ZDHHC11B: variants seen among roughly 807,000 people sequenced by gnomAD.
The protein encoded by ZDHHC11B is zDHHC palmitoyltransferase 11B (putative).
Under a neutral mutation model 42.3 loss-of-function variants are expected in ZDHHC11B, and 17 were observed. That is an observed-to-expected ratio of 0.40 (90% CI 0.27 to 0.60). ZDHHC11B has a LOEUF of 0.60. Among genes scored for constraint, ZDHHC11B ranks in the 20% least tolerant of loss-of-function variants. ZDHHC11B has a pLI of 0.41. For synonymous variants in ZDHHC11B, 123 were observed against 193.5 expected (o/e 0.64, Z 3.02); for missense variants, 262 against 463.2 (o/e 0.57, Z 3.99).
At chr5:744,068 T>C (rs774584910) in intron 9 of ZDHHC11B, among the ~76,000 whole-genome samples, 1 of 149,942 alleles carries the variant, frequency 6.7e-6, no homozygotes. Context: ...AACCCTTTTC[T>C]GCATTGATTG....
At chr5:764,792 G>A (rs1352921403) in intron 4 of ZDHHC11B, among the ~76,000 whole-genome samples, 14 of 152,084 alleles carry the variant, frequency 9.2e-5, no homozygotes, top group South Asian at 2.1e-4. Flanking sequence ...CCCGGTGTGG[G>A]AGCCACTAGG....
chr5:746,055 G>A (rs1186425530), intron 8 of ZDHHC11B, among the ~76,000 whole-genome samples: 1 of 149,716 alleles, frequency 6.7e-6, no homozygotes, highest in Non-Finnish European at 1.5e-5. Flanking sequence ...GCAGCCCAGG[G>A]AAGCAAAGCA....
rs191754668 is a variant in ZDHHC11B, at chr5:732,399, C to T, written c.1023+1353G>A. 3.0e-5 allele frequency: 9 copies of T among 301,310 alleles called. No homozygotes were observed. The East Asian group carries it at 8.3e-4, about 28-fold the overall frequency. 18.7% of individuals were successfully genotyped at this position (301,310 alleles called of 1,614,324 possible). On this transcript the variant is annotated intron_variant, in intron 11 of 13. Coordinates refer to ENST00000508859, the MANE Select transcript of ZDHHC11B (RefSeq NM_001351303.2). Reference sequence around the variant, plus strand: ...ACAAATGCACCTGTGCAGAAGGTGTCAACGTGGACAATCGCAGGCAGAGAA... The same window carrying T: ...ACAAATGCACCTGTGCAGAAGGTGTTAACGTGGACAATCGCAGGCAGAGAA...
At chr5:783,118 GCGCCTT>G (rs1411990156) in intron 1 of ZDHHC11B, among the ~76,000 whole-genome samples, 128 of 152,134 alleles carry the variant, frequency 8.4e-4, no homozygotes, top group Middle Eastern at 6.8e-3. Context: ...GTTCATGCCG[GCGCCTT>G]TCTGAATCAG....
At chr5:733,288 C>G (rs1391030549) in intron 11 of ZDHHC11B, among the ~76,000 whole-genome samples, 2 of 151,664 alleles carry the variant, frequency 1.3e-5, no homozygotes, top group Non-Finnish European at 2.9e-5. Context: ...ACACACCATA[C>G]ACTTGTACGT....
rs1431316611 is a variant in ZDHHC11B at position 757,946 on chromosome 5, G to A, written c.223-1802C>T. Among the ~76,000 whole-genome samples, 2 of 151,812 alleles carry A rather than the reference G, an allele frequency of 1.3e-5. 1 individual carries two copies. Among genetic ancestry groups the A allele is most frequent in the Non-Finnish European group, 2.9e-5 (2 of 67,900 alleles). ...TCTAATCCCACCATGGTAGAGGAGA[G>A]GTCTGCAGGGGCCCCACCGGACTTG... On this transcript the variant is annotated intron_variant, in intron 4 of 13. Coordinates refer to ENST00000508859, the MANE Select transcript of ZDHHC11B (RefSeq NM_001351303.2).
intron 3 of ZDHHC11B, 76 bp downstream of exon 3, chr5:767,316 G>T: frequency 6.7e-7 from 1 of 1,500,162 alleles, no homozygotes. Context: ...CCACACACAT[G>T]TGGGGCTCCG....
At chr5:713,448 G>C (rs1741517438) in intron 13 of ZDHHC11B, among the ~76,000 whole-genome samples, 2 of 152,014 alleles carry the variant, frequency 1.3e-5, no homozygotes, top group Non-Finnish European at 2.9e-5. Flanking sequence ...ATTTATGTCT[G>C]TTTCTACTAT....
rs1030210137 is a variant in ZDHHC11B at position 777,803 on chromosome 5, C to T, written c.-230+6865G>A. ...GAGCCCCGCAGCAGGCGGAGCTGCC[C>T]GCCAGTACTGCGCCACGCGCCCGCA... On this transcript the variant is annotated intron_variant, in intron 1 of 13. Transcript: ENST00000508859. Among the ~76,000 whole-genome samples the T allele has an allele frequency of 9.2e-5, 14 of 152,124 alleles. No homozygotes were observed. The East Asian group carries it at 9.6e-4, about 10-fold the overall frequency.
rs1172424206 is a variant in ZDHHC11B at position 766,423 on chromosome 5, G to A, written c.222+275C>T. On this transcript the variant is annotated intron_variant, in intron 4 of 13. Transcript: ENST00000508859. The stretch of plus-strand genomic sequence containing the variant: ...ACCTGACCCTGAGCCATGTGGGAGC[G>A]GTCTGACATAGGGTCAGTGGCTGCT... Among the ~76,000 whole-genome samples the A allele has an allele frequency of 3.3e-5, 5 of 151,884 alleles. No individual in the cohort carries two copies. In the East Asian group the frequency reaches 5.8e-4, roughly 18 times the overall value.
chr5:722,829 G>A lies in ZDHHC11B; in HGVS notation c.1059-5964C>T, dbSNP rs569042338. Among the ~76,000 whole-genome samples, 130 of 151,472 alleles carry A rather than the reference G, an allele frequency of 8.6e-4. 3 individuals carry two copies. Among genetic ancestry groups the A allele is most frequent in the Non-Finnish European group, 1.4e-3 (95 of 67,918 alleles). On this transcript the variant is annotated intron_variant, in intron 12 of 13. Transcript: ENST00000508859. ...GAAGCAAACGCCAACAGACTACAGCGACAAGCAGTATGGACAGACCTTGGC... is the reference window on the plus strand; with the variant it reads ...GAAGCAAACGCCAACAGACTACAGCAACAAGCAGTATGGACAGACCTTGGC...
chr5:717,265 C>T (rs1348296590), intron 12 of ZDHHC11B, among the ~76,000 whole-genome samples: 2 of 151,680 alleles, frequency 1.3e-5, no homozygotes, highest in South Asian at 2.1e-4. Context: ...TTCTTGCTAT[C>T]GTGGAGCCTT....
At chr5:737,483 G>GA (rs59119219) in intron 10 of ZDHHC11B, among the ~76,000 whole-genome samples, 18,238 of 146,996 alleles carry the variant, frequency 0.12, 2,223 homozygotes, top group African/African-American at 0.38. Context: ...CCCAAACCAT[G>GA]AAAGGACATA....
rs561390038 is a variant in ZDHHC11B at position 717,399 on chromosome 5, G to A, written c.1059-534C>T. On this transcript the variant is annotated intron_variant, in intron 12 of 13. Coordinates refer to ENST00000508859, the MANE Select transcript of ZDHHC11B (RefSeq NM_001351303.2). ...TGGGCAGCTGGCAGGAGAGGTGACC[G>A]TGTTGCTGCCCAGACTTTCCAGAGG... Among the ~76,000 whole-genome samples, 85 of 151,806 alleles carry A rather than the reference G, an allele frequency of 5.6e-4. 1 individual carries two copies. The highest frequency in any genetic ancestry group is 1.5e-3 in the African/African-American group (63 of 41,246).
intron 1 of ZDHHC11B, among the ~76,000 whole-genome samples, chr5:783,093 G>A (rs1263675714): frequency 1.3e-5 from 2 of 152,188 alleles, no homozygotes; most frequent in Non-Finnish European, 2.9e-5. Flanking sequence ...CATGTTTTGT[G>A]AAGATGCAAA....
chr5:729,803 TACTC>T (rs1579268390), intron 12 of ZDHHC11B, among the ~76,000 whole-genome samples: 1 of 151,940 alleles, frequency 6.6e-6, no homozygotes, highest in African/African-American at 2.4e-5. Context: ...GTAAATAACT[TACTC>T]AGCATCATGT....
At chr5:777,352 C>T (rs75897408) in intron 1 of ZDHHC11B, among the ~76,000 whole-genome samples, 21,867 of 147,256 alleles carry the variant, frequency 0.15, 934 homozygotes, top group African/African-American at 0.26. Context: ...AGAGACAGCG[C>T]GTCTGGAGCT....
intron 13 of ZDHHC11B, among the ~76,000 whole-genome samples, chr5:716,432 C>A (rs1741756644): frequency 1.3e-5 from 2 of 151,810 alleles, no homozygotes; most frequent in South Asian, 4.2e-4. Flanking sequence ...TCAGAGGCAT[C>A]TAATCAGAAA....
intron 4 of ZDHHC11B, among the ~76,000 whole-genome samples, chr5:763,644 T>A (rs1734911701): frequency 6.6e-6 from 1 of 151,736 alleles, no homozygotes; most frequent in Non-Finnish European, 1.5e-5. Context: ...AGCAGCCCCA[T>A]GGCACGTGGG....
Sources: allele counts gnomAD v4.1 joint callset (sites outside exome capture counted in the v4.1 genomes callset), GRCh38; gene constraint gnomAD v4.1.1; transcripts MANE v1.5; gene names NCBI Gene and HGNC (gene_info 2026-07-23, HGNC 2026-07-21).